TSPAN9: variants seen among roughly 807,000 people sequenced by gnomAD.
TSPAN9 encodes tetraspanin-9.
In TSPAN9, 16 loss-of-function variants were observed where a neutral mutation model predicts 31.0. That is an observed-to-expected ratio of 0.52 (90% confidence interval 0.35 to 0.78). The LOEUF (loss-of-function observed/expected upper bound fraction) is 0.78, where lower values mean the gene tolerates loss of function less well. Among genes scored for constraint, TSPAN9 ranks in the 30% least tolerant of loss-of-function variants. The probability of loss-of-function intolerance (pLI) is 0.01; values close to 1 mark genes in which losing one functional copy is unlikely to be tolerated. For synonymous variants in TSPAN9, 145 were observed against 121.6 expected, an observed-to-expected ratio of 1.19 and a Z score of -1.27; for missense variants, 272 against 312.5, an observed-to-expected ratio of 0.87 and a Z score of 0.98.
intron 2 of TSPAN9, among the ~76,000 whole-genome samples, chr12:3,103,209 G>A (rs1296907363): frequency 6.6e-6 from 1 of 152,182 alleles, no homozygotes; most frequent in African/African-American, 2.4e-5. Context: ...CTTGGCTGCC[G>A]TCACCAGTTC....
At chr12:3,106,756 G>A (rs539363430) in intron 2 of TSPAN9, among the ~76,000 whole-genome samples, 34 of 152,014 alleles carry the variant, frequency 2.2e-4, no homozygotes, top group Non-Finnish European at 8.8e-5. Context: ...GGGCAACAGA[G>A]TGAGACCCTG....
At chr12:3,256,483 G>A (rs936574674) in intron 3 of TSPAN9, among the ~76,000 whole-genome samples, 13 of 152,250 alleles carry the variant, frequency 8.5e-5, no homozygotes, top group East Asian at 1.9e-4. Flanking sequence ...CCCAGAAGGC[G>A]AGTGGGTTAT....
chr12:3,086,185 C>G (rs746576213), intron 2 of TSPAN9, among the ~76,000 whole-genome samples: 3 of 152,206 alleles, frequency 2.0e-5, no homozygotes, highest in Admixed American at 2.0e-4. Flanking sequence ...GCTCTCAAAC[C>G]AAAAGTGTAA....
intron 3 of TSPAN9, among the ~76,000 whole-genome samples, chr12:3,271,089 T>C (rs898857090): frequency 1.3e-5 from 2 of 152,268 alleles, no homozygotes; most frequent in African/African-American, 4.8e-5. Context: ...AAATGCTTTA[T>C]GTAATGTTTA....
chr12:3,227,520 G>A (rs1002594606), intron 3 of TSPAN9, among the ~76,000 whole-genome samples: 6 of 152,168 alleles, frequency 3.9e-5, no homozygotes, highest in Admixed American at 2.0e-4. Context: ...TTTGCATTGC[G>A]TGCTTGGAGA....
Position 3,168,604 on chromosome 12 carries a change from CACTT to C in TSPAN9, c.-17-32572_-17-32569del, listed in dbSNP as rs888298698. On this transcript the variant is annotated intron_variant, in intron 2 of 8. Coordinates refer to ENST00000011898, the MANE Select transcript of TSPAN9 (RefSeq NM_006675.5). The surrounding 1 kb of genome is among the most constrained non-coding windows in gnomAD (Gnocchi z 4.0). ...TCTATTTCTATGTGTGAGTCATTGT[CACTT>C]GCTTGTGAAGTGCTGCATCCAATCT... 3.3e-5 allele frequency among the ~76,000 whole-genome samples: 5 copies of C among 152,172 alleles called. No homozygotes were observed. Among genetic ancestry groups the C allele is most frequent in the African/African-American group, 4.8e-5 (2 of 41,434 alleles).
At chr12:3,108,998 C>G (rs765182979) in intron 2 of TSPAN9, among the ~76,000 whole-genome samples, 4 of 151,600 alleles carry the variant, frequency 2.6e-5, no homozygotes, top group Non-Finnish European at 4.4e-5. Context: ...TGCAGTGGCG[C>G]GATCTCCGCT....
chr12:3,105,591 G>C (rs1329389565), intron 2 of TSPAN9, among the ~76,000 whole-genome samples: 1 of 152,034 alleles, frequency 6.6e-6, no homozygotes, highest in Non-Finnish European at 1.5e-5. Flanking sequence ...GGGGCTTCTG[G>C]ATTTGGGGGT....
At chr12:3,154,010 A>ATATGTG (rs1485029998) in intron 2 of TSPAN9, among the ~76,000 whole-genome samples, 22 of 147,984 alleles carry the variant, frequency 1.5e-4, no homozygotes, top group South Asian at 8.6e-4. Flanking sequence ...TTATATATAT[A>ATATGTG]TGTGTGTGTG....
At chr12:3,281,971 T>G in intron 8 of TSPAN9, 154 bp downstream of exon 8, 1 of 855,734 alleles carries the variant, frequency 1.2e-6, no homozygotes, top group Non-Finnish European at 2.0e-6. Context: ...TGCCACCGTT[T>G]CCGCAGAGCT....
chr12:3,240,869 G>A (rs985419104), intron 3 of TSPAN9, among the ~76,000 whole-genome samples: 2 of 152,180 alleles, frequency 1.3e-5, no homozygotes, highest in African/African-American at 4.8e-5. Context: ...AAAAATAGTA[G>A]CGATCAGTAA....
chr12:3,206,235 T>C, intron 3 of TSPAN9: 1 of 442,116 alleles, frequency 2.3e-6, no homozygotes, highest in South Asian at 1.6e-5. Context: ...TTGGGTCCAT[T>C]CACTCATGCC....
chr12:3,134,639 G>A lies in TSPAN9; in HGVS notation c.-18+50920G>A, dbSNP rs187010832. ...CTGGAGGGATGGAGGGAAGTTTGGG[G>A]ACAGTGGCATGGCCGATGGCTGTTT... On this transcript the variant is annotated intron_variant, in intron 2 of 8. Coordinates refer to ENST00000011898, the MANE Select transcript of TSPAN9 (RefSeq NM_006675.5). Among the ~76,000 whole-genome samples, 5 of 152,334 alleles carry A rather than the reference G, an allele frequency of 3.3e-5. No individual in the cohort carries two copies. In the East Asian group the frequency reaches 5.8e-4, roughly 18 times the overall value.
intron 2 of TSPAN9, among the ~76,000 whole-genome samples, chr12:3,097,182 G>A (rs2098309526): frequency 6.6e-6 from 1 of 152,184 alleles, no homozygotes. Context: ...TTTCTGGATT[G>A]TGACCCAGAT....
At chr12:3,115,892 T>G (rs2098322099) in intron 2 of TSPAN9, among the ~76,000 whole-genome samples, 2 of 152,344 alleles carry the variant, frequency 1.3e-5, no homozygotes, top group African/African-American at 4.8e-5. Context: ...CTGTACCGTT[T>G]TACATTCCCA....
At chr12:3,098,241 G>T (rs1286526124) in intron 2 of TSPAN9, among the ~76,000 whole-genome samples, 1 of 152,216 alleles carries the variant, frequency 6.6e-6, no homozygotes, top group Non-Finnish European at 1.5e-5. Context: ...AGAGTTACCT[G>T]ATTCCAGGAG....
chr12:3,212,601 C>T (rs2098379347), intron 3 of TSPAN9, among the ~76,000 whole-genome samples: 1 of 152,150 alleles, frequency 6.6e-6, no homozygotes, highest in South Asian at 2.1e-4. Context: ...CATGCTTTGC[C>T]ACCCTCCCCC....
chr12:3,278,494 C>T lies in TSPAN9; in HGVS notation c.137C>T (p.Pro46Leu). The T allele has an allele frequency of 6.2e-7, 1 of 1,614,214 alleles. No individual in the cohort carries two copies. The highest frequency in any genetic ancestry group is 8.5e-7 in the Non-Finnish European group (1 of 1,180,034). ...VSQGNFATFSPSFPSLSAANL... is the reference protein window; with the variant it reads ...VSQGNFATFSLSFPSLSAANL... ...CAAGGCAACTTTGCCACCTTCTCCCCCAGCTTCCCTTCGTTGTCTGCAGCC... is the reference window on the plus strand; with the variant it reads ...CAAGGCAACTTTGCCACCTTCTCCCTCAGCTTCCCTTCGTTGTCTGCAGCC... The change falls in exon 4 of 9, where the codon CCC becomes CTC. Residue 46 changes from proline (P) to leucine (L), a missense_variant. Physicochemically the swap from Pro to Leu is moderately conservative, Grantham distance 98 (BLOSUM62 -3). Transcript: ENST00000011898.
chr12:3,195,395 C>T lies in TSPAN9; in HGVS notation c.-17-5782C>T, dbSNP rs575258057. Reference sequence around the variant, plus strand: ...ATTTATTCACTTTTCTTCTTCCCCTCTGAGAATGCTGTAGTTACTTCACTT... The same window carrying T: ...ATTTATTCACTTTTCTTCTTCCCCTTTGAGAATGCTGTAGTTACTTCACTT... On this transcript the variant is annotated intron_variant, in intron 2 of 8. Transcript: ENST00000011898. Among the ~76,000 whole-genome samples the T allele has an allele frequency of 5.9e-5, 9 of 152,210 alleles. No individual in the cohort carries two copies. The East Asian group carries it at 1.3e-3, about 23-fold the overall frequency.
Sources: allele counts gnomAD v4.1 joint callset (sites outside exome capture counted in the v4.1 genomes callset), GRCh38; gene constraint gnomAD v4.1.1; non-coding constraint Gnocchi (gnomAD v3.1); transcripts MANE v1.5; gene names NCBI Gene and HGNC (gene_info 2026-07-23, HGNC 2026-07-21).